The following LCTL variants were observed in gnomAD, a reference collection of about 807,000 sequenced individuals.
LCTL encodes lactase like, also known as lactase-like protein.
Under a neutral mutation model 75.8 loss-of-function variants are expected in LCTL, and 76 were observed. The observed-to-expected ratio is 1.00, with a 90% confidence interval of 0.83 to 1.21. LCTL has a LOEUF of 1.21. Among genes scored for constraint, LCTL ranks in the 50% most tolerant of loss-of-function variants. The pLI is 0.00. For synonymous variants in LCTL, 271 were observed against 268.8 expected, an observed-to-expected ratio of 1.01 and a Z score of -0.08; for missense variants, 670 against 712.4, an observed-to-expected ratio of 0.94 and a Z score of 0.68.
exon 9 of LCTL, chr15:66,553,024 G>C: frequency 1.3e-6 from 2 of 1,552,972 alleles, no homozygotes; most frequent in Non-Finnish European, 1.7e-6. Flanking sequence ...CCATGGCACA[G>C]AATATAGCCA....
chr15:66,555,818 A>G (rs984607482), intron 8 of LCTL, among the ~76,000 whole-genome samples: 1 of 152,228 alleles, frequency 6.6e-6, no homozygotes, highest in African/African-American at 2.4e-5. Flanking sequence ...CCAAAACTCA[A>G]CAACAAAAAC....
intron 9 of LCTL, 75 bp from the exon 11 acceptor site, chr15:66,552,244 T>C (rs1895625852): frequency 2.5e-6 from 3 of 1,200,922 alleles, no homozygotes; most frequent in Non-Finnish European, 3.5e-6. Flanking sequence ...GAGGCTCATA[T>C]AGGAACACAT....
chr15:66,563,531 G>C (rs370466205), exon 4 of LCTL: 1 of 1,611,512 alleles, frequency 6.2e-7, no homozygotes, highest in Non-Finnish European at 8.5e-7. Flanking sequence ...GCAGATCCCA[G>C]TGGTGCAAGG....
intron 8 of LCTL, among the ~76,000 whole-genome samples, chr15:66,555,592 G>A (rs955584076): frequency 1.3e-5 from 2 of 151,880 alleles, no homozygotes; most frequent in Non-Finnish European, 1.5e-5. Flanking sequence ...CAAAAGCACC[G>A]TGACAATTAA....
At chr15:66,564,603 C>T (rs1895973891) in intron 2 of LCTL, 73 bp downstream of exon 3, 1 of 1,513,560 alleles carries the variant, frequency 6.6e-7, no homozygotes, top group African/African-American at 1.4e-5. Flanking sequence ...TCACTCCCTG[C>T]CTCCCAGCTA....
intron 9 of LCTL, 134 bp from the exon 11 acceptor site, chr15:66,552,303 T>C: frequency 1.5e-6 from 1 of 647,254 alleles, no homozygotes; most frequent in East Asian, 2.7e-5. Context: ...ATTTAGTAGA[T>C]GTCAGATAAC....
intron 8 of LCTL, among the ~76,000 whole-genome samples, chr15:66,554,718 A>C (rs1895701074): frequency 6.6e-6 from 1 of 152,216 alleles, no homozygotes; most frequent in Admixed American, 6.5e-5. Context: ...TATGTAAATG[A>C]AACATCCATC....
At chr15:66,563,830 C>T (rs1174906956) in intron 3 of LCTL, 81 bp downstream of exon 4, 2 of 1,141,926 alleles carry the variant, frequency 1.8e-6, no homozygotes, top group South Asian at 1.2e-5. Flanking sequence ...TCTCCCTCCC[C>T]AGGACTCTGT....
At chr15:66,559,435 C>T (rs190128478) in intron 6 of LCTL, among the ~76,000 whole-genome samples, 106 of 152,236 alleles carry the variant, frequency 7.0e-4, no homozygotes, top group African/African-American at 2.2e-3. Flanking sequence ...AGGCCGGGTG[C>T]GGTGGCTCAC....
At chr15:66,556,745 A>G (rs1184086572) in intron 8 of LCTL, among the ~76,000 whole-genome samples, 1 of 152,244 alleles carries the variant, frequency 6.6e-6, no homozygotes, top group Non-Finnish European at 1.5e-5. Context: ...TATATGAGCT[A>G]CTTAGTCAAA....
intron 8 of LCTL, 36 bp from the exon 10 acceptor site, chr15:66,553,294 T>C: frequency 1.3e-6 from 2 of 1,485,778 alleles, no homozygotes; most frequent in Non-Finnish European, 1.8e-6. Context: ...AACAAAGCCT[T>C]ATTTTCTCCC....
chr15:66,552,620 A>C (rs947336308), intron 9 of LCTL, among the ~76,000 whole-genome samples: 1 of 148,216 alleles, frequency 6.7e-6, no homozygotes, highest in African/African-American at 2.5e-5. Flanking sequence ...CAGTGAGCCG[A>C]GATCATGCCA....
chr15:66,550,166 A>AT, intron 11 of LCTL, 62 bp from the exon 13 acceptor site: 2 of 941,432 alleles, frequency 2.1e-6, no homozygotes, highest in Non-Finnish European at 3.3e-6. Context: ...GTTTCAAATC[A>AT]TTTTTGAAAT....
At position 66,563,451 on chromosome 15, in the gene LCTL, C is replaced by G; in HGVS notation, c.480+65G>C. 5.1e-6 allele frequency: 6 copies of G among 1,167,422 alleles called. No individual in the cohort carries two copies. In the South Asian group the frequency reaches 7.8e-5, roughly 15 times the overall value. 72.3% of individuals were successfully genotyped at this position (1,167,422 alleles called of 1,614,324 possible). ...GCTCCACCTTGGCAACCCAAGTCCTCAAACTGGGCTCCCTCCTGCTTAGTT... is the reference window on the plus strand; with the variant it reads ...GCTCCACCTTGGCAACCCAAGTCCTGAAACTGGGCTCCCTCCTGCTTAGTT... On this transcript the variant is annotated intron_variant, in intron 4 of 12. Transcript: ENST00000341509.
rs1172637680 is a variant in LCTL at position 66,565,231 on chromosome 15, C to G, written c.118+17G>C. 19 of 1,522,880 alleles carry G rather than the reference C, an allele frequency of 1.2e-5. No individual in the cohort carries two copies. The highest frequency in any genetic ancestry group is 1.6e-5 in the Non-Finnish European group (18 of 1,097,128). 94.3% of individuals were successfully genotyped at this position (1,522,880 alleles called of 1,614,324 possible). A position where few individuals can be genotyped will look rare whatever the true frequency, so the allele number is the denominator to read the frequency against. On this transcript the variant is annotated intron_variant, in intron 1 of 12. Coordinates refer to ENST00000341509, the Ensembl canonical transcript of LCTL. The stretch of plus-strand genomic sequence containing the variant: ...GACGACAGACAGGCAGACAGACGAA[C>G]AGAGGCGTGGCCGTACCAAGAGGGA...
At position 66,565,237 on chromosome 15, in the gene LCTL, C is replaced by T. The variant is rs374078995; in HGVS notation, c.118+11G>A. The T allele has an allele frequency of 3.9e-5, 60 of 1,547,412 alleles. No homozygotes were observed. The highest frequency in any genetic ancestry group is 5.4e-5 in the African/African-American group (4 of 73,610). On this transcript the variant is annotated intron_variant, in intron 1 of 12. Transcript: ENST00000341509. ...AGACAGGCAGACAGACGAACAGAGG[C>T]GTGGCCGTACCAAGAGGGAAGGTTC... is the stretch of plus-strand genomic sequence containing the variant.
chr15:66,557,896 G>GAAAGA lies in LCTL; in HGVS notation c.761-18_761-14dup, dbSNP rs1895780175. Reference sequence around the variant, plus strand: ...ATTCCCACCAGACCTTAAAAGAAAAGAAAGAAAAGGGAGTGGGGAGTGGGC... The same window carrying GAAAGA: ...ATTCCCACCAGACCTTAAAAGAAAAGAAAGAAAAGAAAAGGGAGTGGGGAGTGGGC... On this transcript the variant is annotated splice_polypyrimidine_tract_variant and intron_variant, in intron 7 of 12. Transcript: ENST00000341509. 6.2e-7 allele frequency: 1 copy of GAAAGA among 1,613,154 alleles called. No homozygotes were observed. The highest frequency in any genetic ancestry group is 8.5e-7 in the Non-Finnish European group (1 of 1,179,428).
In LCTL at chr15:66,563,486, T is replaced by C. The variant is rs781443862; in HGVS notation, c.480+30A>G. On this transcript the variant is annotated intron_variant, in intron 4 of 12. Coordinates refer to ENST00000341509, the Ensembl canonical transcript of LCTL. ...TCCCTCCTGCTTAGTTGAGTCCCCT[T>C]TGGGCCTGTGAGCCTGCTCAGGTCC... 1.4e-5 allele frequency: 21 copies of C among 1,526,762 alleles called. No individual in the cohort carries two copies. The South Asian group carries it at 2.4e-4, about 17-fold the overall frequency. 94.6% of individuals were successfully genotyped at this position (1,526,762 alleles called of 1,614,324 possible).
intron 3 of LCTL, 38 bp from the exon 5 acceptor site, chr15:66,563,663 C>A (rs941475568): frequency 1.7e-5 from 26 of 1,489,666 alleles, no homozygotes; most frequent in Non-Finnish European, 2.3e-5. Context: ...CCAGAAAGGA[C>A]CTCGGCCTTG....
Sources: allele counts gnomAD v4.1 joint callset (sites outside exome capture counted in the v4.1 genomes callset), GRCh38; gene constraint gnomAD v4.1.1; transcripts MANE v1.5; gene names NCBI Gene and HGNC (gene_info 2026-07-23, HGNC 2026-07-21).